BORCS5: variants seen among roughly 807,000 people sequenced by gnomAD.
The protein encoded by BORCS5 is BLOC-1 related complex subunit 5, also known as BLOC-1-related complex subunit 5.
A neutral mutation model predicts 22.1 loss-of-function variants in BORCS5; 17 were observed. The observed-to-expected ratio is 0.77, with a 90% CI of 0.53 to 1.15. The LOEUF (loss-of-function observed/expected upper bound fraction) is 1.15. BORCS5 is among the 50% of genes most tolerant of loss of function. The pLI, the probability that BORCS5 is intolerant of heterozygous loss-of-function variation, is 0.00. For missense variants in BORCS5, 247 were observed against 253.2 expected (o/e 0.98, Z 0.17); for synonymous variants, 117 against 99.8 (o/e 1.17, Z -1.03).
chr12:12,390,636 C>T (rs1398191617), intron 2 of BORCS5, among the ~76,000 whole-genome samples: 1 of 145,750 alleles, frequency 6.9e-6, no homozygotes, highest in Non-Finnish European at 1.5e-5. Context: ...TTTTTTTTGA[C>T]CTTATCTCAA....
chr12:12,402,932 GT>G (rs1941510225), intron 2 of BORCS5, among the ~76,000 whole-genome samples: 1 of 152,286 alleles, frequency 6.6e-6, no homozygotes. Flanking sequence ...TTTCCACATA[GT>G]TTTATACTTG....
intron 1 of BORCS5, among the ~76,000 whole-genome samples, chr12:12,358,671 C>T (rs1863206037): frequency 6.6e-6 from 1 of 152,184 alleles, no homozygotes; most frequent in Non-Finnish European, 1.5e-5. Context: ...TTCCCCTGTG[C>T]CCGGTACTTT....
chr12:12,460,896 T>C (rs1943090990), intron 3 of BORCS5, among the ~76,000 whole-genome samples: 1 of 152,210 alleles, frequency 6.6e-6, no homozygotes, highest in South Asian at 2.1e-4. Context: ...ATATTTTGAG[T>C]TCATGTACTG....
intron 2 of BORCS5, among the ~76,000 whole-genome samples, chr12:12,423,218 G>C (rs1942186469): frequency 6.6e-6 from 1 of 151,916 alleles, no homozygotes; most frequent in Non-Finnish European, 1.5e-5. Flanking sequence ...TAGCCAGGAT[G>C]GTCTCAATCT....
intron 2 of BORCS5, among the ~76,000 whole-genome samples, chr12:12,417,890 C>T (rs964569949): frequency 7.9e-5 from 12 of 152,038 alleles, no homozygotes; most frequent in African/African-American, 2.9e-4. Context: ...AGTCCACCTG[C>T]CTTAGCCTCT....
chr12:12,453,119 G>GT, intron 3 of BORCS5, among the ~76,000 whole-genome samples: 1 of 152,212 alleles, frequency 6.6e-6, no homozygotes, highest in East Asian at 1.9e-4. Flanking sequence ...GCAAAAAATG[G>GT]TAAGTATGTG....
chr12:12,390,045 A>G (rs775993896), intron 2 of BORCS5, among the ~76,000 whole-genome samples: 5 of 152,088 alleles, frequency 3.3e-5, no homozygotes, highest in Non-Finnish European at 5.9e-5. Context: ...AACTTTGCCC[A>G]TGCCCTTCTA....
intron 2 of BORCS5, among the ~76,000 whole-genome samples, chr12:12,415,379 T>C (rs1185585248): frequency 6.7e-5 from 10 of 149,310 alleles, no homozygotes; most frequent in African/African-American, 2.5e-4. Context: ...AAACCCCGTC[T>C]CCACCAAAAA....
intron 3 of BORCS5, among the ~76,000 whole-genome samples, chr12:12,464,129 G>A (rs535549416): frequency 1.5e-3 from 228 of 152,028 alleles, no homozygotes; most frequent in African/African-American, 5.2e-3. Flanking sequence ...AGTGCTGAGC[G>A]CCAGACAGGG....
At chr12:12,381,752 C>A (rs1392496313) in intron 2 of BORCS5, among the ~76,000 whole-genome samples, 1 of 151,420 alleles carries the variant, frequency 6.6e-6, no homozygotes, top group Non-Finnish European at 1.5e-5. Flanking sequence ...ACTATATAGT[C>A]TGCAGTCATT....
At chr12:12,384,925 T>A (rs1863849586) in intron 2 of BORCS5, among the ~76,000 whole-genome samples, 1 of 151,202 alleles carries the variant, frequency 6.6e-6, no homozygotes, top group Admixed American at 6.6e-5. Context: ...TTTTTAAACT[T>A]GCTTATATCT....
intron 2 of BORCS5, among the ~76,000 whole-genome samples, chr12:12,427,990 C>T (rs768228463): frequency 5.3e-5 from 8 of 152,298 alleles, no homozygotes; most frequent in East Asian, 3.9e-4. Flanking sequence ...TCAGTCCATA[C>T]GGGGGAATTT....
At chr12:12,454,559 C>A (rs999128499) in intron 3 of BORCS5, among the ~76,000 whole-genome samples, 3 of 152,196 alleles carry the variant, frequency 2.0e-5, no homozygotes, top group African/African-American at 7.2e-5. Flanking sequence ...AGGCTGACTG[C>A]TTCCTAATTG....
rs1190757436 is a variant in BORCS5 at position 12,381,569 on chromosome 12, C to T, written c.202+20220C>T. Among the ~76,000 whole-genome samples the T allele has an allele frequency of 5.9e-5, 9 of 151,354 alleles. 2 individuals carry two copies. Among genetic ancestry groups the T allele is most frequent in the South Asian group, 4.2e-4 (2 of 4,800 alleles). On this transcript the variant is annotated intron_variant, in intron 2 of 3. Coordinates refer to ENST00000314565, the MANE Select transcript of BORCS5 (RefSeq NM_058169.6). ...CATTGATCTGTCCCATTTTTAATTTCGTGGATTGTACTTTGGTGTTGTATC... is the reference window on the plus strand; with the variant it reads ...CATTGATCTGTCCCATTTTTAATTTTGTGGATTGTACTTTGGTGTTGTATC...
chr12:12,419,197 T>C (rs1942051278), intron 2 of BORCS5, among the ~76,000 whole-genome samples: 1 of 152,142 alleles, frequency 6.6e-6, no homozygotes, highest in Admixed American at 6.6e-5. Flanking sequence ...CTCCGCCAGC[T>C]CCTCACTCCC....
intron 2 of BORCS5, among the ~76,000 whole-genome samples, chr12:12,418,891 C>A (rs114884824): frequency 0.014 from 2,065 of 152,156 alleles, 43 homozygotes; most frequent in African/African-American, 0.047. Context: ...GTGGCACTTA[C>A]TTCTGTCATT....
intron 2 of BORCS5, among the ~76,000 whole-genome samples, chr12:12,363,416 A>G (rs1863336848): frequency 6.6e-6 from 1 of 152,064 alleles, no homozygotes; most frequent in Admixed American, 6.6e-5. Context: ...CCTGGCCAAC[A>G]TGGTGAAACC....
At chr12:12,361,832 C>T (rs146157383) in intron 2 of BORCS5, among the ~76,000 whole-genome samples, 1,916 of 152,238 alleles carry the variant, frequency 0.013, 44 homozygotes, top group African/African-American at 0.044. Context: ...CTGATACACT[C>T]GTAATTAATC....
At chr12:12,451,171 T>C (rs1942901255) in intron 3 of BORCS5, among the ~76,000 whole-genome samples, 1 of 152,114 alleles carries the variant, frequency 6.6e-6, no homozygotes. Flanking sequence ...TTATTCTTTT[T>C]TTTTTTTTTA....
Sources: gnomAD v4.1 joint callset for allele counts (sites outside exome capture counted in the v4.1 genomes callset) on GRCh38, gnomAD v4.1.1 for gene constraint, MANE v1.5 for transcripts, NCBI Gene and HGNC (gene_info 2026-07-23, HGNC 2026-07-21) for gene names.